The following MYO3B variants were observed in gnomAD, a reference collection of about 807,000 sequenced individuals.
MYO3B encodes the protein myosin IIIB, also known as myosin-IIIb.
In MYO3B, 156 loss-of-function variants were observed where a neutral mutation model predicts 174.6. The ratio of observed to expected loss-of-function variants is 0.89; its 90% CI spans 0.78 to 1.02. The LOEUF (loss-of-function observed/expected upper bound fraction) is 1.02, where lower values mean the gene tolerates loss of function less well. MYO3B is among the 50% of genes least tolerant of loss of function. The probability of loss-of-function intolerance (pLI) is 0.00; values close to 1 mark genes in which losing one functional copy is unlikely to be tolerated. For synonymous variants in MYO3B, 563 were observed against 569.1 expected (o/e 0.99, Z 0.15); for missense variants, 1,632 against 1,639.4 (o/e 1.00, Z 0.08).
At chr2:170,262,315 T>G (rs2093351649) in intron 7 of MYO3B, among the ~76,000 whole-genome samples, 1 of 152,154 alleles carries the variant, frequency 6.6e-6, no homozygotes, top group African/African-American at 2.4e-5. Context: ...CGGGGCTAGA[T>G]GGTTACCTTG....
In MYO3B at chr2:170,221,769, G is replaced by A. The variant is rs113354993; in HGVS notation, c.603+4374G>A. Among the ~76,000 whole-genome samples, 633 of 152,246 alleles carry A rather than the reference G, an allele frequency of 4.2e-3. 7 individuals are homozygous for A. The highest frequency in any genetic ancestry group is 0.014 in the African/African-American group (599 of 41,540). The stretch of plus-strand genomic sequence containing the variant: ...TTTTTAAAAGATGGGGTCTTACCAT[G>A]TTGCCCAGGCTGGTCTCCAACTCCT... On this transcript the variant is annotated intron_variant, in intron 6 of 34. Coordinates refer to ENST00000408978, the MANE Select transcript of MYO3B (RefSeq NM_138995.5).
chr2:170,180,556 G>A (rs1322173699), intron 1 of MYO3B, among the ~76,000 whole-genome samples: 1 of 151,946 alleles, frequency 6.6e-6, no homozygotes, highest in East Asian at 1.9e-4. Context: ...GGTCATAATA[G>A]TCTCCTCTGT....
At chr2:170,615,923 ATTCT>A (rs1327536977) in intron 32 of MYO3B, among the ~76,000 whole-genome samples, 4 of 152,000 alleles carry the variant, frequency 2.6e-5, no homozygotes, top group Non-Finnish European at 4.4e-5. Flanking sequence ...GGATGAAGTA[ATTCT>A]TTCACATAAC....
chr2:170,437,493 G>T (rs953272981), intron 22 of MYO3B, among the ~76,000 whole-genome samples: 2 of 152,086 alleles, frequency 1.3e-5, no homozygotes, highest in African/African-American at 2.4e-5. Flanking sequence ...GAAAAGAAGC[G>T]TCTTTATCTC....
At chr2:170,412,350 A>G (rs566637077) in intron 22 of MYO3B, 2 of 152,302 alleles carry the variant, frequency 1.3e-5, no homozygotes, top group African/African-American at 4.8e-5. Flanking sequence ...AACTTGGGAG[A>G]AACTAGGAAA....
intron 9 of MYO3B, among the ~76,000 whole-genome samples, chr2:170,369,640 T>TA (rs1574862547): frequency 6.6e-6 from 1 of 151,950 alleles, no homozygotes; most frequent in South Asian, 2.1e-4. Flanking sequence ...TAGCTTTAGT[T>TA]AAAAAATCAA....
chr2:170,607,499 C>T (rs1031042728), intron 32 of MYO3B, among the ~76,000 whole-genome samples: 6 of 152,202 alleles, frequency 3.9e-5, no homozygotes, highest in African/African-American at 1.4e-4. Context: ...AAGACACATA[C>T]CCTTTTGGCC....
chr2:170,634,010 A>G (rs1466304753), intron 32 of MYO3B, among the ~76,000 whole-genome samples: 2 of 152,250 alleles, frequency 1.3e-5, no homozygotes, highest in African/African-American at 4.8e-5. Context: ...ATGGATAGGA[A>G]GAATCAATAT....
chr2:170,345,623 T>TCA (rs1055123356), intron 8 of MYO3B, among the ~76,000 whole-genome samples: 1 of 152,030 alleles, frequency 6.6e-6, no homozygotes, highest in Non-Finnish European at 1.5e-5. Flanking sequence ...AAGCAGTGCT[T>TCA]CACACACACA....
intron 1 of MYO3B, among the ~76,000 whole-genome samples, chr2:170,187,644 C>T (rs1369882357): frequency 1.3e-5 from 2 of 152,242 alleles, no homozygotes; most frequent in East Asian, 1.9e-4. Context: ...TTCACTGTAT[C>T]GTGTAGGTTT....
chr2:170,571,153 G>C (rs977600159), intron 32 of MYO3B, among the ~76,000 whole-genome samples: 5 of 152,150 alleles, frequency 3.3e-5, no homozygotes, highest in African/African-American at 9.7e-5. Context: ...TTTTGAGCAA[G>C]AGCAACTAAA....
chr2:170,497,120 T>C (rs2106067182), intron 25 of MYO3B, among the ~76,000 whole-genome samples: 1 of 152,234 alleles, frequency 6.6e-6, no homozygotes, highest in South Asian at 2.1e-4. Flanking sequence ...AAGCAGGTCA[T>C]AAGACCCACA....
At chr2:170,197,947 C>T (rs2092618322) in intron 1 of MYO3B, among the ~76,000 whole-genome samples, 1 of 151,992 alleles carries the variant, frequency 6.6e-6, no homozygotes, top group South Asian at 2.1e-4. Flanking sequence ...AAGACATGGG[C>T]GAATCAGCCA....
At chr2:170,572,287 G>A (rs186816622) in intron 32 of MYO3B, among the ~76,000 whole-genome samples, 46 of 152,174 alleles carry the variant, frequency 3.0e-4, no homozygotes, top group African/African-American at 1.1e-3. Flanking sequence ...AATTAGCTGG[G>A]TGTGGTGGCG....
chr2:170,459,949 G>A (rs1011134492), intron 23 of MYO3B, among the ~76,000 whole-genome samples: 10 of 152,056 alleles, frequency 6.6e-5, no homozygotes, highest in African/African-American at 9.7e-5. Flanking sequence ...GCCCCCACCC[G>A]GAACTCATGC....
chr2:170,432,083 A>G (rs1165849204), intron 22 of MYO3B, among the ~76,000 whole-genome samples: 7 of 152,250 alleles, frequency 4.6e-5, no homozygotes, highest in African/African-American at 1.4e-4. Context: ...ATAAACAACT[A>G]TATTACTGGT....
At chr2:170,446,638 A>T (rs1276346282) in intron 23 of MYO3B, among the ~76,000 whole-genome samples, 2 of 151,994 alleles carry the variant, frequency 1.3e-5, no homozygotes, top group Non-Finnish European at 2.9e-5. Context: ...AACAAAACCA[A>T]CTCCAGTTAC....
intron 1 of MYO3B, among the ~76,000 whole-genome samples, chr2:170,184,624 T>C (rs907288587): frequency 2.6e-5 from 4 of 152,220 alleles, no homozygotes; most frequent in African/African-American, 9.6e-5. Context: ...ATCTTGGCTA[T>C]TGTGAATAGT....
intron 30 of MYO3B, among the ~76,000 whole-genome samples, chr2:170,531,710 G>A (rs1286140856): frequency 1.3e-5 from 2 of 152,080 alleles, no homozygotes; most frequent in African/African-American, 2.4e-5. Flanking sequence ...GCCAAACTAT[G>A]AGTATCAAAG....
Sources: allele counts gnomAD v4.1 joint callset (sites outside exome capture counted in the v4.1 genomes callset), GRCh38; gene constraint gnomAD v4.1.1; transcripts MANE v1.5; gene names NCBI Gene and HGNC (gene_info 2026-07-23, HGNC 2026-07-21).